The following ALCAM variants were observed in gnomAD, a reference collection of about 807,000 sequenced individuals.
ALCAM encodes the protein activated leukocyte cell adhesion molecule.
ALCAM carries 30 observed loss-of-function variants against 70.9 expected under a neutral mutation model. The ratio of observed to expected loss-of-function variants is 0.42; its 90% confidence interval spans 0.32 to 0.57. The LOEUF (loss-of-function observed/expected upper bound fraction) is 0.57, where lower values mean the gene tolerates loss of function less well. Ranked by LOEUF, ALCAM falls within the 20% of genes least tolerant of loss-of-function variation. The pLI, the probability that ALCAM is intolerant of heterozygous loss-of-function variation, is 0.11. For synonymous variants in ALCAM, 249 were observed against 242.5 expected, an observed-to-expected ratio of 1.03 and a Z score of -0.25; for missense variants, 591 against 695.1, an observed-to-expected ratio of 0.85 and a Z score of 1.68.
At chr3:105,370,285 TTAAC>T (rs1205356836) in intron 1 of ALCAM, among the ~76,000 whole-genome samples, 3 of 152,220 alleles carry the variant, frequency 2.0e-5, no homozygotes, top group Admixed American at 6.5e-5. Flanking sequence ...TAAAAACTGT[TTAAC>T]AGCCAATATA....
chr3:105,381,578 A>T (rs1277261343), intron 1 of ALCAM, among the ~76,000 whole-genome samples: 1 of 151,996 alleles, frequency 6.6e-6, no homozygotes, highest in Non-Finnish European at 1.5e-5. Context: ...TATAAATTTA[A>T]AAGTGAATTT....
chr3:105,554,531 T>A (rs758644040), intron 14 of ALCAM, among the ~76,000 whole-genome samples: 2 of 152,000 alleles, frequency 1.3e-5, no homozygotes, highest in African/African-American at 2.4e-5. Flanking sequence ...TTTGACCAAA[T>A]GTCTGTGTAC....
chr3:105,368,265 A>AGAGAGAGAGAGAGAG lies in ALCAM; in HGVS notation c.73+784_73+785insGAGAGAGAGAGAGAG, dbSNP rs1553716633. Among the ~76,000 whole-genome samples the AGAGAGAGAGAGAGAG allele has an allele frequency of 5.3e-3, 137 of 25,894 alleles. 1 individual carries two copies. Among genetic ancestry groups the AGAGAGAGAGAGAGAG allele is most frequent in the African/African-American group, 0.011 (101 of 9,500 alleles). 17.0% of individuals were successfully genotyped at this position (25,894 alleles called of 152,430 possible). ...AGAGAGAGAGAGAGAGAGAGAGAGAAAAGGCAAAATTCCCAACAACTAAAA... is the reference window on the plus strand; with the variant it reads ...AGAGAGAGAGAGAGAGAGAGAGAGAAGAGAGAGAGAGAGAGAAGGCAAAATTCCCAACAACTAAAA... On this transcript the variant is annotated intron_variant, in intron 1 of 15. Transcript: ENST00000306107.
At chr3:105,453,033 T>C (rs1937473044) in intron 1 of ALCAM, among the ~76,000 whole-genome samples, 1 of 152,210 alleles carries the variant, frequency 6.6e-6, no homozygotes, top group Non-Finnish European at 1.5e-5. Context: ...GCCTGTTCAC[T>C]CTGATGATAG....
At chr3:105,499,929 G>C (rs902559832) in intron 1 of ALCAM, among the ~76,000 whole-genome samples, 3 of 152,260 alleles carry the variant, frequency 2.0e-5, no homozygotes, top group Admixed American at 2.0e-4. Context: ...TAGAATTGCC[G>C]TACCCTTAAT....
intron 1 of ALCAM, among the ~76,000 whole-genome samples, chr3:105,424,578 C>A (rs1249192279): frequency 6.6e-6 from 1 of 151,586 alleles, no homozygotes; most frequent in Non-Finnish European, 1.5e-5. Context: ...TAAAGACAAT[C>A]TGAAAAGACA....
chr3:105,515,172 A>G (rs1939348042), intron 1 of ALCAM, among the ~76,000 whole-genome samples: 2 of 152,008 alleles, frequency 1.3e-5, no homozygotes. Context: ...GAGAGATAAG[A>G]TAACTCCATG....
intron 6 of ALCAM, among the ~76,000 whole-genome samples, chr3:105,535,318 T>C (rs558003352): frequency 1.3e-5 from 2 of 152,320 alleles, no homozygotes; most frequent in South Asian, 4.1e-4. Flanking sequence ...GGAATCTTCA[T>C]GGTCATCTGT....
At chr3:105,542,863 T>A (rs1940157240) in intron 8 of ALCAM, among the ~76,000 whole-genome samples, 1 of 151,742 alleles carries the variant, frequency 6.6e-6, no homozygotes, top group African/African-American at 2.4e-5. Flanking sequence ...GCTGGGCCAT[T>A]TCTCCATTTA....
chr3:105,563,253 G>C (rs555977324), intron 14 of ALCAM, among the ~76,000 whole-genome samples: 26 of 148,444 alleles, frequency 1.8e-4, no homozygotes, highest in African/African-American at 6.2e-4. Flanking sequence ...TATGCCTATG[G>C]GTTCTATAGT....
intron 14 of ALCAM, among the ~76,000 whole-genome samples, chr3:105,569,450 A>G (rs1188014645): frequency 6.6e-6 from 1 of 152,158 alleles, no homozygotes; most frequent in Non-Finnish European, 1.5e-5. Flanking sequence ...GTTTATGAAT[A>G]TAATTTTGTG....
At chr3:105,489,846 C>A (rs191335890) in intron 1 of ALCAM, among the ~76,000 whole-genome samples, 1 of 152,216 alleles carries the variant, frequency 6.6e-6, no homozygotes, top group East Asian at 1.9e-4. Flanking sequence ...AAATATATTC[C>A]TGTTAAAAAT....
In ALCAM at chr3:105,563,591, T is replaced by C. The variant is rs184355244; in HGVS notation, c.1665-8261T>C. 5.9e-3 allele frequency among the ~76,000 whole-genome samples: 891 copies of C among 151,836 alleles called. 4 individuals are homozygous for C. Among genetic ancestry groups the C allele is most frequent in the Non-Finnish European group, 9.9e-3 (670 of 67,950 alleles). On this transcript the variant is annotated intron_variant, in intron 14 of 15. Coordinates refer to ENST00000306107, the MANE Select transcript of ALCAM (RefSeq NM_001627.4). Reference sequence around the variant, plus strand: ...AATATCGGTATGTTGTGTTTTCTTATTCATTCAGTGAATGTTTCCCTGTGG... The same window carrying C: ...AATATCGGTATGTTGTGTTTTCTTACTCATTCAGTGAATGTTTCCCTGTGG...
At chr3:105,437,716 C>G (rs567875587) in intron 1 of ALCAM, among the ~76,000 whole-genome samples, 3 of 81,958 alleles carry the variant, frequency 3.7e-5, no homozygotes, top group Admixed American at 1.6e-4. Context: ...AATAATCTAA[C>G]GTGGAAAATT....
intron 1 of ALCAM, among the ~76,000 whole-genome samples, chr3:105,399,006 G>A (rs1480760196): frequency 6.7e-6 from 1 of 150,296 alleles, no homozygotes; most frequent in Non-Finnish European, 1.5e-5. Flanking sequence ...AGTTACTTTG[G>A]TTAGTTTACT....
chr3:105,522,499 G>C (rs1425398043), intron 2 of ALCAM, among the ~76,000 whole-genome samples: 1 of 152,124 alleles, frequency 6.6e-6, no homozygotes, highest in Non-Finnish European at 1.5e-5. Flanking sequence ...AGTAAACATA[G>C]AGAAGAAATG....
At chr3:105,393,976 CA>C (rs1935886683) in intron 1 of ALCAM, among the ~76,000 whole-genome samples, 2 of 151,818 alleles carry the variant, frequency 1.3e-5, no homozygotes, top group Admixed American at 1.3e-4. Context: ...TTTGGAAAAG[CA>C]GTCAGTAATA....
intron 1 of ALCAM, among the ~76,000 whole-genome samples, chr3:105,479,531 G>C (rs1186002293): frequency 6.6e-6 from 1 of 152,106 alleles, no homozygotes; most frequent in Non-Finnish European, 1.5e-5. Context: ...TGGAACATAT[G>C]AATTTCTGGC....
intron 14 of ALCAM, among the ~76,000 whole-genome samples, chr3:105,554,984 A>G (rs1315887942): frequency 1.3e-5 from 2 of 152,104 alleles, no homozygotes; most frequent in Non-Finnish European, 2.9e-5. Flanking sequence ...AATAAATGTT[A>G]AATTCTTGGA....
Sources: allele counts gnomAD v4.1 joint callset (sites outside exome capture counted in the v4.1 genomes callset), GRCh38; gene constraint gnomAD v4.1.1; transcripts MANE v1.5; gene names NCBI Gene and HGNC (gene_info 2026-07-23, HGNC 2026-07-21).